The following SLC41A1 variants were observed in gnomAD, a reference collection of about 807,000 sequenced individuals.
The protein encoded by SLC41A1 is solute carrier family 41 (magnesium transporter), member 1.
Under a neutral mutation model 47.3 loss-of-function variants are expected in SLC41A1, and 20 were observed. That is an observed-to-expected ratio of 0.42 (90% CI 0.30 to 0.61). The LOEUF is 0.61. SLC41A1 is among the 20% of genes least tolerant of loss of function. The pLI is 0.17. For synonymous variants in SLC41A1, 282 were observed against 272.7 expected, an observed-to-expected ratio of 1.03 and a Z score of -0.34; for missense variants, 504 against 674.1, an observed-to-expected ratio of 0.75 and a Z score of 2.79.
At chr1:205,795,998 G>A (rs1655741658) in intron 8 of SLC41A1, 1 of 225,226 alleles carries the variant, frequency 4.4e-6, no homozygotes, top group African/African-American at 2.3e-5. Flanking sequence ...TCTCCGCCAG[G>A]ACCTGTGCTG....
At position 205,796,830 on chromosome 1, in the gene SLC41A1, C is replaced by T. The variant is rs1655760581; in HGVS notation, c.1072+94G>A. 13 of 1,273,328 alleles carry T rather than the reference C, an allele frequency of 1.0e-5. No homozygotes were observed. The South Asian group carries it at 1.7e-4, about 16-fold the overall frequency. 78.9% of individuals were successfully genotyped at this position (1,273,328 alleles called of 1,614,324 possible). A position where few individuals can be genotyped will look rare whatever the true frequency, so the allele number is the denominator to read the frequency against. ...AGCTAGATTCTCGTCTGCTGGAACC[C>T]TGACTGATACAGAAACCAACCCCTT... On this transcript the variant is annotated intron_variant, in intron 8 of 10. Transcript: ENST00000367137.
intron 2 of SLC41A1, among the ~76,000 whole-genome samples, chr1:205,807,899 C>T (rs914176768): frequency 1.3e-5 from 2 of 151,618 alleles, no homozygotes; most frequent in African/African-American, 2.4e-5. Flanking sequence ...TCAAGCGATC[C>T]TCCTGCCTCA....
At chr1:205,801,176 G>T in intron 2 of SLC41A1, 116 bp from the exon 3 acceptor site, 1 of 795,672 alleles carries the variant, frequency 1.3e-6, no homozygotes, top group Non-Finnish European at 2.2e-6. Flanking sequence ...CAGGGAGTGA[G>T]CACGCCAGCC....
chr1:205,800,837 A>C, intron 3 of SLC41A1, 116 bp downstream of exon 3: 3 of 925,912 alleles, frequency 3.2e-6, no homozygotes, highest in Non-Finnish European at 3.4e-6. Context: ...TTCCCACCCC[A>C]GCCCCACACT....
intron 4 of SLC41A1, 98 bp downstream of exon 4, chr1:205,799,661 A>G: frequency 7.5e-7 from 1 of 1,325,372 alleles, no homozygotes; most frequent in East Asian, 2.5e-5. Flanking sequence ...GGGATACTGG[A>G]GATTCACTCA....
intron 6 of SLC41A1, 73 bp downstream of exon 6, chr1:205,798,596 C>A: frequency 1.9e-6 from 3 of 1,603,140 alleles, no homozygotes; most frequent in Non-Finnish European, 2.6e-6. Flanking sequence ...GAAACTCTTG[C>A]ACATTTGCAA....
In SLC41A1 at chr1:205,813,059, A is replaced by T; in HGVS notation, c.-898T>A. On this transcript the variant is annotated 5_prime_UTR_variant, in exon 1 of 11. Coordinates refer to ENST00000367137, the MANE Select transcript of SLC41A1 (RefSeq NM_173854.6). ...GGGGGAGGTGGCCGGGGAGGGCAGG[A>T]TATATCGCTTCGGGCCCGGCGGGGG... 1 of 985,478 alleles carries T rather than the reference A, an allele frequency of 1.0e-6. No homozygotes were observed. The highest frequency in any genetic ancestry group is 1.2e-6 in the Non-Finnish European group (1 of 829,992). 61.0% of individuals were successfully genotyped at this position (985,478 alleles called of 1,614,324 possible). A position where few individuals can be genotyped will look rare whatever the true frequency, so the allele number is the denominator to read the frequency against.
intron 2 of SLC41A1, among the ~76,000 whole-genome samples, chr1:205,802,001 T>C (rs1302323345): frequency 6.6e-6 from 1 of 152,188 alleles, no homozygotes; most frequent in Non-Finnish European, 1.5e-5. Context: ...GACTGGCTAT[T>C]TGAAAGCTAC....
At chr1:205,799,554 G>T (rs1655823658) in intron 4 of SLC41A1, among the ~76,000 whole-genome samples, 1 of 152,126 alleles carries the variant, frequency 6.6e-6, no homozygotes, top group African/African-American at 2.4e-5. Context: ...CAAGAACTGA[G>T]AACCAGAATG....
At position 205,793,866 on chromosome 1, in the gene SLC41A1, T is replaced by C. The variant is rs956736413; in HGVS notation, c.1356+1004A>G. ...ACACACAAGAAAGGGATAATACTGA[T>C]GGTCTGTGAAGGAGAGAAACAGATG... On this transcript the variant is annotated intron_variant, in intron 10 of 10. Transcript: ENST00000367137. 4.6e-5 allele frequency among the ~76,000 whole-genome samples: 7 copies of C among 152,358 alleles called. No individual in the cohort carries two copies. The South Asian group carries it at 1.2e-3, about 27-fold the overall frequency.
intron 10 of SLC41A1, among the ~76,000 whole-genome samples, chr1:205,792,327 G>C (rs1655644680): frequency 6.6e-6 from 1 of 152,172 alleles, no homozygotes; most frequent in South Asian, 2.1e-4. Flanking sequence ...CTCAAAGAAT[G>C]CAAGTTTATT....
At chr1:205,795,562 C>G (rs1380528588) in intron 8 of SLC41A1, 84 bp from the exon 9 acceptor site, 1 of 1,532,324 alleles carries the variant, frequency 6.5e-7, no homozygotes, top group Non-Finnish European at 8.9e-7. Flanking sequence ...TCTTTGTCTT[C>G]TATCTATAGA....
chr1:205,796,840 C>G, intron 8 of SLC41A1, 84 bp downstream of exon 8: 2 of 1,414,248 alleles, frequency 1.4e-6, no homozygotes, highest in South Asian at 1.2e-5. Flanking sequence ...CTGACTGATA[C>G]AGAAACCAAC....
intron 10 of SLC41A1, among the ~76,000 whole-genome samples, chr1:205,793,149 G>A (rs1271214544): frequency 1.3e-5 from 2 of 152,186 alleles, no homozygotes; most frequent in Non-Finnish European, 2.9e-5. Flanking sequence ...AGGCCTTTGG[G>A]ACATGCCCTA....
intron 3 of SLC41A1, 80 bp downstream of exon 3, chr1:205,800,873 T>C (rs1210154722): frequency 1.5e-6 from 2 of 1,318,788 alleles, no homozygotes; most frequent in South Asian, 1.2e-5. Context: ...GGAGAAGGGC[T>C]CGTAGCCCTC....
At chr1:205,799,209 G>A in intron 4 of SLC41A1, 108 bp from the exon 5 acceptor site, 2 of 1,479,522 alleles carry the variant, frequency 1.4e-6, no homozygotes, top group East Asian at 2.4e-5. Flanking sequence ...AGCCCCAGGA[G>A]GCAGGCTGGA....
chr1:205,798,146 G>A, intron 6 of SLC41A1, 95 bp from the exon 7 acceptor site: 1 of 1,541,728 alleles, frequency 6.5e-7, no homozygotes, highest in Non-Finnish European at 8.9e-7. Context: ...CAGATCAATA[G>A]CAAGACTACA....
intron 2 of SLC41A1, among the ~76,000 whole-genome samples, chr1:205,808,345 G>A (rs1046463152): frequency 6.6e-6 from 1 of 152,154 alleles, no homozygotes; most frequent in Non-Finnish European, 1.5e-5. Context: ...CAGATGACCA[G>A]GGACAAGTTA....
intron 7 of SLC41A1, among the ~76,000 whole-genome samples, chr1:205,797,226 G>A (rs530859900): frequency 6.6e-6 from 1 of 152,190 alleles, no homozygotes; most frequent in African/African-American, 2.4e-5. Context: ...GTGGTACTGG[G>A]TCAGGCAACC....
Sources: gnomAD v4.1 joint callset for allele counts (sites outside exome capture counted in the v4.1 genomes callset) on GRCh38, gnomAD v4.1.1 for gene constraint, MANE v1.5 for transcripts, NCBI Gene and HGNC (gene_info 2026-07-23, HGNC 2026-07-21) for gene names.